A2ML1: variants seen among roughly 807,000 people sequenced by gnomAD.
A2ML1 encodes the protein alpha-2-macroglobulin like 1, also known as alpha-2-macroglobulin-like protein 1.
A neutral mutation model predicts 181.9 loss-of-function variants in A2ML1; 161 were observed. The observed-to-expected ratio is 0.89, with a 90% CI of 0.78 to 1.01. The LOEUF (loss-of-function observed/expected upper bound fraction) is 1.01. Among genes scored for constraint, A2ML1 ranks in the 50% least tolerant of loss-of-function variants. The pLI is 0.00. For synonymous variants in A2ML1, 663 were observed against 666.8 expected (o/e 0.99, Z 0.09); for missense variants, 1,670 against 1,768.1 (o/e 0.94, Z 1.00).
chr12:8,845,600 C>G (rs910304633), intron 13 of A2ML1, 98 bp downstream of exon 13: 35 of 1,263,600 alleles, frequency 2.8e-5, no homozygotes, highest in Non-Finnish European at 3.6e-5. Context: ...GTAATCCCAG[C>G]ACTTTGGGAG....
chr12:8,822,814 CTTAATT>C, intron 1 of A2ML1, 101 bp downstream of exon 1: 1 of 1,093,500 alleles, frequency 9.1e-7, no homozygotes, highest in Non-Finnish European at 1.4e-6. Context: ...TTTGGTTTAT[CTTAATT>C]TCCTCCTCCT....
chr12:8,839,973 C>G (rs972326512), intron 10 of A2ML1, among the ~76,000 whole-genome samples: 1 of 152,082 alleles, frequency 6.6e-6, no homozygotes, highest in Admixed American at 6.6e-5. Context: ...TCTTGAACTC[C>G]CGACCTCAGG....
chr12:8,863,839 C>T lies in A2ML1; in HGVS notation c.3548C>T (p.Ala1183Val), dbSNP rs1944350710. Residue 1183 changes from alanine (A) to valine (V), a missense_variant, in exon 29 of 36, where the codon GCC becomes GTC. Physicochemically the swap from Ala to Val is moderately conservative, Grantham distance 64. Transcript: ENST00000299698. ...CAGAAACCTACTCCATCATCGAACGCCAGCCCTTGGTCTGAGCCTGCGGCT... is the reference window on the plus strand; with the variant it reads ...CAGAAACCTACTCCATCATCGAACGTCAGCCCTTGGTCTGAGCCTGCGGCT... ...WSQKPTPSSNASPWSEPAAVD... is the reference protein window; with the variant it reads ...WSQKPTPSSNVSPWSEPAAVD... 1.2e-6 allele frequency: 2 copies of T among 1,614,230 alleles called. No homozygotes were observed. The highest frequency in any genetic ancestry group is 1.7e-6 in the Non-Finnish European group (2 of 1,180,026).
chr12:8,850,339 C>G (rs1318608127), intron 18 of A2ML1, 65 bp downstream of exon 18: 8 of 1,245,366 alleles, frequency 6.4e-6, no homozygotes, highest in African/African-American at 3.1e-5. Context: ...AATCCCAACA[C>G]TTTGGGAGGC....
chr12:8,861,733 C>T (rs946516701), intron 28 of A2ML1, among the ~76,000 whole-genome samples: 1 of 151,728 alleles, frequency 6.6e-6, no homozygotes, highest in South Asian at 2.1e-4. Flanking sequence ...ATGATCCACC[C>T]GCCTCGGCCT....
At chr12:8,841,993 G>C (rs1432005543) in intron 11 of A2ML1, among the ~76,000 whole-genome samples, 1 of 152,178 alleles carries the variant, frequency 6.6e-6, no homozygotes, top group Non-Finnish European at 1.5e-5. Context: ...GTATCGTGCA[G>C]CAGAAAGCAT....
At chr12:8,845,039 T>C (rs1201957884) in intron 12 of A2ML1, 2 of 1,431,614 alleles carry the variant, frequency 1.4e-6, no homozygotes, top group African/African-American at 2.9e-5. Flanking sequence ...TAGGATGAAA[T>C]TATTTCCACT....
chr12:8,822,777 C>T, intron 1 of A2ML1, 64 bp downstream of exon 1: 2 of 1,484,840 alleles, frequency 1.3e-6, no homozygotes, highest in Non-Finnish European at 1.9e-6. Flanking sequence ...CTTTCTCAAA[C>T]ATTTATATGG....
At chr12:8,877,036 C>A (rs1455884966), downstream of A2ML1, among the ~76,000 whole-genome samples, 1 of 152,130 alleles carries the variant, frequency 6.6e-6, no homozygotes, top group Non-Finnish European at 1.5e-5. Flanking sequence ...GCCAGAATGC[C>A]GTTTCCATCT....
rs370026373 is a variant in A2ML1 at position 8,852,170 on chromosome 12, C to T, written c.2464-40C>T. 3.6e-5 allele frequency: 58 copies of T among 1,612,742 alleles called. No individual in the cohort carries two copies. The highest frequency in any genetic ancestry group is 4.8e-5 in the Non-Finnish European group (57 of 1,179,628). Reference sequence around the variant, plus strand: ...TTCCCCAGGCCTCTATGCACTACCTCCTTTGTTTGTACCCTTTGTCTCTTA... The same window carrying T: ...TTCCCCAGGCCTCTATGCACTACCTTCTTTGTTTGTACCCTTTGTCTCTTA... On this transcript the variant is annotated intron_variant, in intron 19 of 35. Transcript: ENST00000299698. The surrounding 1 kb of genome is among the most constrained non-coding windows in gnomAD (Gnocchi z 4.2).
rs773681065 is a variant in A2ML1, at chr12:8,861,179, C to G, written c.3384C>G (p.Ala1128=). 7 of 1,613,882 alleles carry G rather than the reference C, an allele frequency of 4.3e-6. No individual in the cohort carries two copies. In the Admixed American group the frequency reaches 5.0e-5, roughly 12 times the overall value. ...GTCTACGGTGTCTCAAGAATTCGGC[C>G]ACCTCCACGACCAACCTCTACACAC... is the stretch of plus-strand genomic sequence containing the variant. The part of the protein sequence containing the change: ...SQGLRCLKNS[A]TSTTNLYTQA... The change falls in exon 28 of 36, where the codon GCC becomes GCG. Residue 1128 remains alanine (A), a synonymous_variant. Coordinates refer to ENST00000299698, the MANE Select transcript of A2ML1 (RefSeq NM_144670.6).
At position 8,836,299 on chromosome 12, in the gene A2ML1, T is replaced by C. The variant is rs1943273501; in HGVS notation, c.688T>C (p.Ser230Pro). The change falls in exon 7 of 36, where the codon TCA becomes CCA. Residue 230 changes from serine to proline, a missense_variant. By Grantham distance (74) the Ser-to-Pro change is moderately conservative. Coordinates refer to ENST00000299698, the MANE Select transcript of A2ML1 (RefSeq NM_144670.6). ...GGAAGTGGTGGAACCCAAGGAGTTA[T>C]CAACGGTGCAGGAATCTTTCTTAGT... ...KVEVVEPKELSTVQESFLVKI... is the reference protein window; with the variant it reads ...KVEVVEPKELPTVQESFLVKI... The C allele has an allele frequency of 2.5e-6, 4 of 1,614,008 alleles. No individual in the cohort carries two copies. The highest frequency in any genetic ancestry group is 1.1e-5 in the South Asian group (1 of 91,090).
rs771898750 is a variant in A2ML1, at chr12:8,885,018, T to C, written c.*95-1489T>C. Among the ~76,000 whole-genome samples, 6 of 152,376 alleles carry C rather than the reference T, an allele frequency of 3.9e-5. No individual in the cohort carries two copies. In the East Asian group the frequency reaches 1.2e-3, roughly 29 times the overall value. On this transcript the variant is annotated intron_variant and NMD_transcript_variant, in intron 7 of 7. Coordinates refer to the A2ML1 transcript ENST00000537475. ...TGTGTCTTTATGGTAGAATGATTTA[T>C]ATTCCTCTGGGTATATATCCAGTAA...
chr12:8,835,678 A>G lies in A2ML1; in HGVS notation c.643+12A>G. The G allele has an allele frequency of 6.2e-7, 1 of 1,613,956 alleles. No homozygotes were observed. Among genetic ancestry groups the G allele is most frequent in the Non-Finnish European group, 8.5e-7 (1 of 1,179,916 alleles). ...TGTGGAGGAATATGGTAGGTGGGGA[A>G]ATGGACAGGCCAAAGTATTGGGCAT... is the stretch of plus-strand genomic sequence containing the variant. On this transcript the variant is annotated intron_variant, in intron 6 of 35. Transcript: ENST00000299698.
intron 7 of A2ML1, chr12:8,886,415 G>T (rs1390992690): frequency 6.6e-6 from 1 of 152,102 alleles, no homozygotes; most frequent in Non-Finnish European, 1.5e-5. Context: ...AACAATTTCA[G>T]TAATAACATC....
chr12:8,854,360 T>C, intron 21 of A2ML1, 111 bp downstream of exon 21: 1 of 1,449,962 alleles, frequency 6.9e-7, no homozygotes, highest in Non-Finnish European at 9.2e-7. Context: ...ACCAGGCAGC[T>C]TCAACTTTCT....
At position 8,868,336 on chromosome 12, in the gene A2ML1, T is replaced by C; in HGVS notation, c.4040T>C (p.Leu1347Ser). The C allele has an allele frequency of 2.5e-6, 4 of 1,613,548 alleles. No homozygotes were observed. The highest frequency in any genetic ancestry group is 3.4e-6 in the Non-Finnish European group (4 of 1,179,890). The change falls in exon 31 of 36, where the codon TTG becomes TCG. Residue 1347 changes from leucine (L) to serine (S), a missense_variant. Leu to Ser is a moderately radical substitution (Grantham distance 145). Transcript: ENST00000299698. ...GAGCAACCGACTTCACCTCGATCCT[T>C]GACTCTCACTATTCACACCAGGTGA... ...RCEQPTSPRSLTLTIHTSYVG... is the reference protein window; with the variant it reads ...RCEQPTSPRSSTLTIHTSYVG...
At chr12:8,869,245 G>A (rs765121860) in intron 33 of A2ML1, 42 bp downstream of exon 33, 15 of 1,588,598 alleles carry the variant, frequency 9.4e-6, no homozygotes, top group Admixed American at 6.7e-5. Flanking sequence ...GATTGCTTAC[G>A]GATCTTCATG....
chr12:8,823,683 C>T, intron 2 of A2ML1, 37 bp from the exon 3 acceptor site: 1 of 1,599,660 alleles, frequency 6.3e-7, no homozygotes, highest in East Asian at 2.2e-5. Flanking sequence ...TTCCCCCAAT[C>T]CCTTACCCCT....
Sources: gnomAD v4.1 joint callset for allele counts (sites outside exome capture counted in the v4.1 genomes callset) on GRCh38, gnomAD v4.1.1 for gene constraint, Gnocchi (gnomAD v3.1) non-coding constraint, MANE v1.5 for transcripts, NCBI Gene and HGNC (gene_info 2026-07-23, HGNC 2026-07-21) for gene names.